Variants in ABR observed in about 807,000 individuals in gnomAD.
ABR encodes the protein active breakpoint cluster region-related protein.
Under a neutral mutation model 107.2 loss-of-function variants are expected in ABR, and 35 were observed. The ratio of observed to expected loss-of-function variants is 0.33; its 90% CI spans 0.25 to 0.43. The LOEUF (loss-of-function observed/expected upper bound fraction) is 0.43. Among genes scored for constraint, ABR ranks in the 20% least tolerant of loss-of-function variants. ABR has a pLI of 1.00. For missense variants in ABR, 815 were observed against 1,115.2 expected, an observed-to-expected ratio of 0.73 and a Z score of 3.83; for synonymous variants, 498 against 462.0, an observed-to-expected ratio of 1.08 and a Z score of -1.00.
chr17:1,171,180 T>C (rs1478088841), intron 1 of ABR, among the ~76,000 whole-genome samples: 1 of 151,074 alleles, frequency 6.6e-6, no homozygotes, highest in African/African-American at 2.4e-5. Flanking sequence ...CTGTGAGGAG[T>C]AGATGTTCCC....
At chr17:1,216,662 C>T (rs2043016191) in intron 1 of ABR, among the ~76,000 whole-genome samples, 1 of 152,210 alleles carries the variant, frequency 6.6e-6, no homozygotes, top group Non-Finnish European at 1.5e-5. Context: ...GCAGACTGCA[C>T]TTAGCCTGGG....
chr17:1,224,563 C>T (rs2150767354), intron 1 of ABR, among the ~76,000 whole-genome samples: 1 of 152,264 alleles, frequency 6.6e-6, no homozygotes, highest in African/African-American at 2.4e-5. Context: ...GAGGCCAATC[C>T]AGCAAAAAGA....
At chr17:1,096,297 G>A (rs1348864020) in intron 3 of ABR, among the ~76,000 whole-genome samples, 1 of 152,182 alleles carries the variant, frequency 6.6e-6, no homozygotes, top group Non-Finnish European at 1.5e-5. Context: ...TGCATATCAG[G>A]AAGTGTTCAG....
At chr17:1,192,142 T>C (rs2042450044), upstream of ABR, among the ~76,000 whole-genome samples, 1 of 151,234 alleles carries the variant, frequency 6.6e-6, no homozygotes, top group African/African-American at 2.5e-5. Context: ...AGAAAAGTTA[T>C]TATTATTATT....
In ABR at chr17:1,011,922, A is replaced by G. The variant is rs981910912; in HGVS notation, c.2025T>C (p.Gly675=). Residue 675 remains glycine (G), a synonymous_variant, in exon 19 of 23, where the codon GGT becomes GGC. Transcript: ENST00000302538. The surrounding 1 kb of genome is among the most constrained non-coding windows in gnomAD (Gnocchi z 4.8). ...TCCTGTAGATGCCAACCTCCTCGAT[A>G]CCCCTCTTCTCCACCTCCTCCACAC... The part of the protein sequence containing the change: ...RQCVEEVEKR[G]IEEVGIYRIS... The G allele has an allele frequency of 6.2e-7, 1 of 1,612,194 alleles. No individual in the cohort carries two copies. Among genetic ancestry groups the G allele is most frequent in the Non-Finnish European group, 8.5e-7 (1 of 1,178,780 alleles).
intron 16 of ABR, among the ~76,000 whole-genome samples, chr17:1,029,429 A>AGAT (rs1233462307): frequency 6.6e-6 from 1 of 152,146 alleles, no homozygotes; most frequent in East Asian, 1.9e-4. Context: ...CCATCTGAAC[A>AGAT]GATTGTTTAA....
At chr17:1,043,575 G>T (rs1020062752) in intron 16 of ABR, among the ~76,000 whole-genome samples, 1 of 152,184 alleles carries the variant, frequency 6.6e-6, no homozygotes, top group East Asian at 1.9e-4. Context: ...CACCCAGGCT[G>T]GAGTACAGTA....
intron 1 of ABR, among the ~76,000 whole-genome samples, chr17:1,159,627 C>T (rs1418954955): frequency 1.7e-5 from 2 of 120,376 alleles, no homozygotes; most frequent in African/African-American, 6.5e-5. Context: ...GCGGTACTCA[C>T]GCACAAGGGA....
intron 1 of ABR, 116 bp from the exon 2 acceptor site, chr17:1,125,483 C>G (rs2151452415): frequency 8.3e-7 from 1 of 1,211,326 alleles, no homozygotes; most frequent in Non-Finnish European, 1.2e-6. Flanking sequence ...CCGCACCATC[C>G]ACGCCTGGCC....
intron 1 of ABR, among the ~76,000 whole-genome samples, chr17:1,194,344 C>A (rs572195451): frequency 6.6e-6 from 1 of 151,588 alleles, no homozygotes; most frequent in Non-Finnish European, 1.5e-5. Flanking sequence ...CACGCCACCA[C>A]GCCCAGCTAT....
At chr17:1,173,052 CTCAGT>C in intron 1 of ABR, among the ~76,000 whole-genome samples, 1 of 122,870 alleles carries the variant, frequency 8.1e-6, no homozygotes, top group Non-Finnish European at 1.8e-5. Context: ...AACACATCAC[CTCAGT>C]CCACCCAACA....
At chr17:1,099,086 C>CT (rs200011417) in intron 3 of ABR, among the ~76,000 whole-genome samples, 9,422 of 150,500 alleles carry the variant, frequency 0.063, 390 homozygotes, top group Non-Finnish European at 0.093. Context: ...TGCACCCAGC[C>CT]TTTTTTTTTG....
chr17:1,061,364 C>T (rs1199062550), intron 10 of ABR, among the ~76,000 whole-genome samples: 2 of 152,170 alleles, frequency 1.3e-5, no homozygotes, highest in Non-Finnish European at 1.5e-5. Flanking sequence ...GGCGAGGAAG[C>T]CCTCTGGGCA....
intron 10 of ABR, among the ~76,000 whole-genome samples, chr17:1,066,865 G>A (rs1468895314): frequency 6.6e-6 from 1 of 152,068 alleles, no homozygotes; most frequent in African/African-American, 2.4e-5. Flanking sequence ...AACATGCACT[G>A]CTTTCCAGGG....
At chr17:1,134,192 C>T (rs556062847) in intron 1 of ABR, among the ~76,000 whole-genome samples, 6 of 152,224 alleles carry the variant, frequency 3.9e-5, no homozygotes, top group African/African-American at 1.4e-4. Flanking sequence ...GCAGGTGGAT[C>T]ACCTGAGGTC....
chr17:1,116,787 C>G (rs1250697375), intron 2 of ABR, among the ~76,000 whole-genome samples: 2 of 152,200 alleles, frequency 1.3e-5, no homozygotes, highest in Non-Finnish European at 1.5e-5. Context: ...AGCCCCTGGG[C>G]TCCTAGCACA....
intron 1 of ABR, among the ~76,000 whole-genome samples, chr17:1,197,001 G>A (rs1389207237): frequency 3.3e-5 from 5 of 151,760 alleles, no homozygotes; most frequent in African/African-American, 2.4e-5. Flanking sequence ...GCCAAGATCC[G>A]CCTTCCTAAG....
In ABR at chr17:1,078,083, G is replaced by A. The variant is rs1019499504; in HGVS notation, c.700+1247C>T. 4.6e-5 allele frequency among the ~76,000 whole-genome samples: 7 copies of A among 152,072 alleles called. No individual in the cohort carries two copies. The highest frequency in any genetic ancestry group is 2.0e-4 in the Admixed American group (3 of 15,268). ...GCGGGAGCTGCAAGGAGGATGGTCC[G>A]GGTCCCTTCCACCGAAAGGTGGTGT... On this transcript the variant is annotated intron_variant, in intron 6 of 22. Transcript: ENST00000302538. This position sits in a 1 kb window ranked among gnomAD's most constrained non-coding sequence, Gnocchi z 7.5.
At chr17:1,129,309 G>A (rs952831724) in intron 1 of ABR, among the ~76,000 whole-genome samples, 12 of 150,470 alleles carry the variant, frequency 8.0e-5, no homozygotes, top group South Asian at 2.1e-4. Flanking sequence ...AGGCCGAGGC[G>A]GGCGGATCAT....
Sources: gnomAD v4.1 joint callset for allele counts (sites outside exome capture counted in the v4.1 genomes callset) on GRCh38, gnomAD v4.1.1 for gene constraint, Gnocchi (gnomAD v3.1) non-coding constraint, MANE v1.5 for transcripts, NCBI Gene and HGNC (gene_info 2026-07-23, HGNC 2026-07-21) for gene names.